ERC1: variants seen among roughly 807,000 people sequenced by gnomAD.
ERC1 encodes ELKS/RAB6-interacting/CAST family member 1.
ERC1 carries 56 observed loss-of-function variants against 132.0 expected under a neutral mutation model. The ratio of observed to expected loss-of-function variants is 0.42; its 90% CI spans 0.34 to 0.53. The LOEUF is 0.53. Among genes scored for constraint, ERC1 ranks in the 20% least tolerant of loss-of-function variants. ERC1 has a pLI of 0.03. For synonymous variants in ERC1, 478 were observed against 476.1 expected (o/e 1.00, Z -0.05); for missense variants, 1,202 against 1,349.9 (o/e 0.89, Z 1.72).
intron 12 of ERC1, chr12:1,204,549 T>C (rs755202228): frequency 6.3e-7 from 1 of 1,575,112 alleles, no homozygotes; most frequent in South Asian, 1.1e-5. Flanking sequence ...ATGATGTGAT[T>C]GAGCGTTGTT....
At chr12:1,438,954 A>AAAAAAAAAAT (rs1015181197) in intron 17 of ERC1, among the ~76,000 whole-genome samples, 1 of 143,492 alleles carries the variant, frequency 7.0e-6, no homozygotes, top group African/African-American at 2.6e-5. Flanking sequence ...TTTAAAAAAA[A>AAAAAAAAAAT]ATATATATAT....
chr12:1,319,323 T>C (rs780307780), intron 15 of ERC1, among the ~76,000 whole-genome samples: 14 of 152,198 alleles, frequency 9.2e-5, no homozygotes, highest in Non-Finnish European at 1.8e-4. Flanking sequence ...TTAAGGATAG[T>C]ATTTACCTCT....
At chr12:1,127,584 A>G (rs746173321) in intron 7 of ERC1, among the ~76,000 whole-genome samples, 1 of 151,696 alleles carries the variant, frequency 6.6e-6, no homozygotes, top group Non-Finnish European at 1.5e-5. Flanking sequence ...CTCACTTTAC[A>G]GTACTTGTTA....
At chr12:1,330,642 C>G (rs965528205) in intron 15 of ERC1, among the ~76,000 whole-genome samples, 1 of 152,066 alleles carries the variant, frequency 6.6e-6, no homozygotes, top group Non-Finnish European at 1.5e-5. Flanking sequence ...CCTTCCCTAA[C>G]TTCTGACAGT....
In ERC1 at chr12:1,495,801, G is replaced by T; in HGVS notation, c.*5571G>T. ...CCTGCTGGAGTTGTGTTACTGACAG[G>T]ATAATGACATTACAAAGAAATTGTG... On this transcript the variant is annotated 3_prime_UTR_variant, in exon 19 of 19. Coordinates refer to ENST00000360905, the MANE Select transcript of ERC1 (RefSeq NM_178040.4). 4.6e-6 allele frequency: 1 copy of T among 216,608 alleles called. No individual in the cohort carries two copies. Among genetic ancestry groups the T allele is most frequent in the Non-Finnish European group, 9.3e-6 (1 of 107,550 alleles). 13.4% of individuals were successfully genotyped at this position (216,608 alleles called of 1,614,324 possible).
At chr12:1,047,025 T>G (rs528961418) in intron 2 of ERC1, among the ~76,000 whole-genome samples, 1 of 152,240 alleles carries the variant, frequency 6.6e-6, no homozygotes, top group Admixed American at 6.5e-5. Flanking sequence ...CATTAATTAC[T>G]TCATGATGCA....
intron 15 of ERC1, among the ~76,000 whole-genome samples, chr12:1,358,309 G>C (rs902816871): frequency 3.3e-5 from 5 of 150,024 alleles, no homozygotes; most frequent in Non-Finnish European, 7.4e-5. Flanking sequence ...ATATTTCTAA[G>C]TCCAATAATG....
chr12:1,031,669 T>C (rs570260643), intron 2 of ERC1, among the ~76,000 whole-genome samples: 1 of 152,358 alleles, frequency 6.6e-6, no homozygotes, highest in South Asian at 2.1e-4. Context: ...TTGAATGTTT[T>C]AATATACTTA....
chr12:1,298,087 G>A (rs929160956), intron 15 of ERC1, among the ~76,000 whole-genome samples: 1 of 151,920 alleles, frequency 6.6e-6, no homozygotes, highest in African/African-American at 2.4e-5. Context: ...GTAAAACCTG[G>A]TCTCTAACAA....
chr12:1,317,067 A>G (rs1411467096), intron 15 of ERC1, among the ~76,000 whole-genome samples: 3 of 151,930 alleles, frequency 2.0e-5, no homozygotes, highest in Non-Finnish European at 4.4e-5. Flanking sequence ...AGGCTGAGAC[A>G]GGAGAATCGC....
At chr12:1,449,148 T>C (rs1042740427) in intron 18 of ERC1, among the ~76,000 whole-genome samples, 3 of 152,250 alleles carry the variant, frequency 2.0e-5, no homozygotes, top group African/African-American at 7.2e-5. Context: ...ATTTACCCAA[T>C]GCCTGTACCC....
chr12:1,080,806 G>C (rs1046111065), intron 2 of ERC1, among the ~76,000 whole-genome samples: 2 of 152,048 alleles, frequency 1.3e-5, no homozygotes, highest in African/African-American at 4.8e-5. Context: ...GCCTCATACC[G>C]TGATTCTGAG....
At chr12:1,217,307 G>A (rs913934830) in intron 12 of ERC1, among the ~76,000 whole-genome samples, 1 of 152,152 alleles carries the variant, frequency 6.6e-6, no homozygotes, top group African/African-American at 2.4e-5. Context: ...TCCTTGGTCT[G>A]TTTTATCAGA....
chr12:1,384,678 C>T (rs1006036523), intron 16 of ERC1, among the ~76,000 whole-genome samples: 5 of 152,000 alleles, frequency 3.3e-5, no homozygotes, highest in South Asian at 2.1e-4. Flanking sequence ...TCAGTATTTT[C>T]CCCCTATATT....
chr12:1,161,548 A>G (rs1951888628), intron 8 of ERC1, among the ~76,000 whole-genome samples: 1 of 152,324 alleles, frequency 6.6e-6, no homozygotes, highest in South Asian at 2.1e-4. Flanking sequence ...AATGAGAAAA[A>G]TTACAGTGAA....
At chr12:1,097,890 T>G (rs1190274317) in intron 3 of ERC1, among the ~76,000 whole-genome samples, 1 of 152,024 alleles carries the variant, frequency 6.6e-6, no homozygotes, top group Non-Finnish European at 1.5e-5. Context: ...ACTTTTTGTA[T>G]TTTTGGAAGA....
At chr12:1,146,778 C>CT (rs1188061169) in intron 8 of ERC1, among the ~76,000 whole-genome samples, 1 of 151,216 alleles carries the variant, frequency 6.6e-6, no homozygotes, top group Admixed American at 6.6e-5. Context: ...TCCCCCAACC[C>CT]CCACCCCACA....
chr12:1,150,615 G>A (rs1408486297), intron 8 of ERC1, among the ~76,000 whole-genome samples: 3 of 152,188 alleles, frequency 2.0e-5, no homozygotes, highest in South Asian at 4.1e-4. Flanking sequence ...TGTTAACAAT[G>A]ATAAGTCATT....
chr12:1,389,885 G>A (rs1689069381), intron 16 of ERC1, among the ~76,000 whole-genome samples: 1 of 152,110 alleles, frequency 6.6e-6, no homozygotes, highest in Admixed American at 6.6e-5. Context: ...CAGTCTCTAA[G>A]CAAAAATATG....
Sources: gnomAD v4.1 joint callset for allele counts (sites outside exome capture counted in the v4.1 genomes callset) on GRCh38, gnomAD v4.1.1 for gene constraint, MANE v1.5 for transcripts, NCBI Gene and HGNC (gene_info 2026-07-23, HGNC 2026-07-21) for gene names.